Variants in DGKA observed in about 807,000 individuals in gnomAD.
DGKA encodes the protein diacylglycerol kinase alpha.
In DGKA, 35 loss-of-function variants were observed where a neutral mutation model predicts 105.0. That is an observed-to-expected ratio of 0.33 (90% CI 0.25 to 0.44). The LOEUF is 0.44. DGKA is among the 20% of genes least tolerant of loss of function. The probability of loss-of-function intolerance (pLI) is 1.00; values close to 1 mark genes in which losing one functional copy is unlikely to be tolerated. For missense variants in DGKA, 665 were observed against 915.0 expected (o/e 0.73, Z 3.53); for synonymous variants, 296 against 332.0 (o/e 0.89, Z 1.18).
intron 17 of DGKA, among the ~76,000 whole-genome samples, chr12:55,945,055 C>G (rs1886740245): frequency 6.6e-6 from 1 of 152,162 alleles, no homozygotes; most frequent in African/African-American, 2.4e-5. Context: ...CCACCTCTGC[C>G]TCCCAAAGTG....
At chr12:55,928,298 T>G (rs540443089), upstream of DGKA, 1 of 152,916 alleles carries the variant, frequency 6.5e-6, no homozygotes, top group African/African-American at 2.4e-5. Context: ...TAGTTTAATG[T>G]CCAGCAGTAC....
chr12:55,941,365 G>A (rs1885948913), intron 14 of DGKA, 40 bp downstream of exon 14: 3 of 1,605,116 alleles, frequency 1.9e-6, no homozygotes, highest in Non-Finnish European at 2.6e-6. Flanking sequence ...ATGAGAGGCA[G>A]GGCCTGCCTG....
chr12:55,942,808 T>C (rs1196406124), intron 17 of DGKA, among the ~76,000 whole-genome samples: 2 of 151,982 alleles, frequency 1.3e-5, no homozygotes, highest in Non-Finnish European at 2.9e-5. Flanking sequence ...CAGATTGTGT[T>C]TGAGGAATCT....
chr12:55,941,297 C>A lies in DGKA; in HGVS notation c.1147C>A (p.Pro383Thr), dbSNP rs1885928760. 6.2e-7 allele frequency: 1 copy of A among 1,613,616 alleles called. No individual in the cohort carries two copies. The highest frequency in any genetic ancestry group is 8.5e-7 in the Non-Finnish European group (1 of 1,179,708). ...CCACCCACTTCTCGTCTTTGTCAATCCTAAGAGTGGCGGGAAGCAGGGGCA... is the reference window on the plus strand; with the variant it reads ...CCACCCACTTCTCGTCTTTGTCAATACTAAGAGTGGCGGGAAGCAGGGGCA... ...NTHPLLVFVNPKSGGKQGQRV... is the reference protein window; with the variant it reads ...NTHPLLVFVNTKSGGKQGQRV... Residue 383 changes from proline (P) to threonine (T), a missense_variant, in exon 14 of 24, where the codon CCT becomes ACT. This residue lies in a region of DGKA where 504 missense variants were observed against 681.2 expected (regional missense o/e 0.74). Transcript: ENST00000331886.
intron 17 of DGKA, among the ~76,000 whole-genome samples, chr12:55,951,362 T>C (rs755467593): frequency 3.3e-5 from 5 of 152,204 alleles, no homozygotes; most frequent in Non-Finnish European, 7.3e-5. Flanking sequence ...AGCATTCTCC[T>C]GGCTATTCTC....
In DGKA at chr12:55,932,734, CA is replaced by C; in HGVS notation, c.-82+1391del. The C allele has an allele frequency of 4.8e-6, 3 of 620,792 alleles. No homozygotes were observed. Among genetic ancestry groups the C allele is most frequent in the Non-Finnish European group, 5.9e-6 (2 of 340,276 alleles). 38.5% of individuals were successfully genotyped at this position (620,792 alleles called of 1,614,324 possible). On this transcript the variant is annotated intron_variant, in intron 1 of 23. Coordinates refer to ENST00000331886, the MANE Select transcript of DGKA (RefSeq NM_001345.5). The surrounding 1 kb of genome is among the most constrained non-coding windows in gnomAD (Gnocchi z 4.3). ...GCACACACACACACACACACACACA[CA>C]CACACAACCCCCTCAGCCAGGTGTA...
Position 55,952,278 on chromosome 12 carries a change from C to G in DGKA, c.1653-63C>G, listed in dbSNP as rs1888321638. 1.9e-6 allele frequency: 3 copies of G among 1,558,572 alleles called. No homozygotes were observed. Among genetic ancestry groups the G allele is most frequent in the Non-Finnish European group, 8.9e-7 (1 of 1,129,552 alleles). On this transcript the variant is annotated intron_variant, in intron 19 of 23. Coordinates refer to ENST00000331886, the MANE Select transcript of DGKA (RefSeq NM_001345.5). This position sits in a 1 kb window ranked among gnomAD's most constrained non-coding sequence, Gnocchi z 5.1. Reference sequence around the variant, plus strand: ...GTTGATGCCCTTCCCTGTCACGTACCACCCCTGCCAGCACTGTGTAACCTG... The same window carrying G: ...GTTGATGCCCTTCCCTGTCACGTACGACCCCTGCCAGCACTGTGTAACCTG...
rs73336393 is a variant in DGKA at position 55,940,474 on chromosome 12, G to T, written c.918+41G>T. The T allele has an allele frequency of 0.018, 28,219 of 1,608,278 alleles. 4,251 individuals are homozygous for T. The African/African-American group carries it at 0.33, about 19-fold the overall frequency. ...ATCCCTTCTGGGTGCGTCTTACCCC[G>T]CAGAGCTGCCTTCTCCACGGGCCTC... is the stretch of plus-strand genomic sequence containing the variant. On this transcript the variant is annotated intron_variant, in intron 11 of 23. Coordinates refer to ENST00000331886, the MANE Select transcript of DGKA (RefSeq NM_001345.5). The surrounding 1 kb of genome is among the most constrained non-coding windows in gnomAD (Gnocchi z 4.3).
intron 6 of DGKA, 62 bp downstream of exon 6, chr12:55,938,622 GC>G: frequency 6.2e-7 from 1 of 1,611,454 alleles, no homozygotes; most frequent in Non-Finnish European, 8.5e-7. Context: ...GCACCCTCCT[GC>G]CCCAACTCTT....
At chr12:55,941,133 C>A in intron 13 of DGKA, 119 bp from the exon 14 acceptor site, 1 of 1,366,352 alleles carries the variant, frequency 7.3e-7, no homozygotes, top group Non-Finnish European at 1.0e-6. Flanking sequence ...GGGAGGGAAA[C>A]AGGAGGGAGG....
rs1302089726 is a variant in DGKA at position 55,951,494 on chromosome 12, C to T, written c.1427-129C>T. 3 of 938,550 alleles carry T rather than the reference C, an allele frequency of 3.2e-6. No homozygotes were observed. The African/African-American group carries it at 5.0e-5, about 16-fold the overall frequency. The allele number at this position is 938,550 out of a possible 1,614,324, so 58.1% of individuals were successfully genotyped here. A position where few individuals can be genotyped will look rare whatever the true frequency, so the allele number is the denominator to read the frequency against. ...GCTGTGACCATGCACCCTGCCCTGT[C>T]ACTGGCTAGGGCTGGGAGGCTCTGT... On this transcript the variant is annotated intron_variant, in intron 17 of 23. Transcript: ENST00000331886.
rs775174428 is a variant in DGKA at position 55,952,720 on chromosome 12, C to T, written c.1744-14C>T. 1.2e-6 allele frequency: 2 copies of T among 1,613,686 alleles called. No individual in the cohort carries two copies. Among genetic ancestry groups the T allele is most frequent in the Non-Finnish European group, 1.7e-6 (2 of 1,179,874 alleles). On this transcript the variant is annotated splice_polypyrimidine_tract_variant and intron_variant, in intron 20 of 23. Coordinates refer to ENST00000331886, the MANE Select transcript of DGKA (RefSeq NM_001345.5). This position sits in a 1 kb window ranked among gnomAD's most constrained non-coding sequence, Gnocchi z 5.1. ...TGTACCCTCCCTAACTGGGACTGTGCCCCCTCCTCTCAGATCTGTGGGAAA... is the reference window on the plus strand; with the variant it reads ...TGTACCCTCCCTAACTGGGACTGTGTCCCCTCCTCTCAGATCTGTGGGAAA...
chr12:55,952,134 A>C lies in DGKA; in HGVS notation c.1652+35A>C. On this transcript the variant is annotated intron_variant, in intron 19 of 23. Transcript: ENST00000331886. This position sits in a 1 kb window ranked among gnomAD's most constrained non-coding sequence, Gnocchi z 5.1. ...AGGAGGGGGCAGTGTGGGCATACAC[A>C]GTGTCAGGAGCCAGGTTTTGACCAA... 1 of 1,612,984 alleles carries C rather than the reference A, an allele frequency of 6.2e-7. No individual in the cohort carries two copies. Among genetic ancestry groups the C allele is most frequent in the Non-Finnish European group, 8.5e-7 (1 of 1,179,116 alleles).
In DGKA at chr12:55,942,027, G is replaced by A; in HGVS notation, c.1280G>A (p.Ser427Asn). The A allele has an allele frequency of 6.2e-7, 1 of 1,614,190 alleles. No individual in the cohort carries two copies. Among genetic ancestry groups the A allele is most frequent in the Non-Finnish European group, 8.5e-7 (1 of 1,180,032 alleles). ...CGATTATTCAAGGATGTTCCTGATA[G>A]CCGGATTTTGGTGTGTGGTGGAGAC... ...GLRLFKDVPD[S>N]RILVCGGDGT... Residue 427 changes from serine (S) to asparagine (N), a missense_variant, in exon 16 of 24, where the codon AGC becomes AAC. This residue lies in a region of DGKA where 504 missense variants were observed against 681.2 expected (regional missense o/e 0.74). Coordinates refer to ENST00000331886, the MANE Select transcript of DGKA (RefSeq NM_001345.5).
intron 17 of DGKA, among the ~76,000 whole-genome samples, chr12:55,951,039 A>C (rs1244565741): frequency 6.6e-6 from 1 of 152,170 alleles, no homozygotes; most frequent in Non-Finnish European, 1.5e-5. Context: ...TGGTCACATC[A>C]TGCAGGTAGC....
intron 17 of DGKA, among the ~76,000 whole-genome samples, chr12:55,947,589 T>C (rs1887294629): frequency 6.6e-6 from 1 of 152,206 alleles, no homozygotes; most frequent in Non-Finnish European, 1.5e-5. Context: ...CACTGAATAG[T>C]GTTCCGTTGT....
At chr12:55,927,814 C>T, upstream of DGKA, 1 of 1,523,420 alleles carries the variant, frequency 6.6e-7, no homozygotes, top group Non-Finnish European at 8.8e-7. Flanking sequence ...CTGGCTCTGC[C>T]CCGCTGGGCG....
chr12:55,936,793 TCTAC>T (rs760807041), intron 2 of DGKA: 611 of 815,790 alleles, frequency 7.5e-4, no homozygotes, highest in African/African-American at 7.0e-3. Flanking sequence ...GTCTCGGCTC[TCTAC>T]CCACCTTCGC....
chr12:55,940,912 C>T lies in DGKA; in HGVS notation c.1033C>T (p.Arg345Cys), dbSNP rs757864725. 1.3e-5 allele frequency: 21 copies of T among 1,614,106 alleles called. No individual in the cohort carries two copies. Among genetic ancestry groups the T allele is most frequent in the Non-Finnish European group, 1.7e-5 (20 of 1,179,996 alleles). Residue 345 changes from arginine (R) to cysteine (C), a missense_variant, in exon 13 of 24, where the codon CGT becomes TGT. Arg to Cys is a radical substitution (Grantham distance 180). Around this residue, in one of 3 missense-constraint regions of DGKA, gnomAD observed 504 missense variants for 681.2 expected, o/e 0.74. Coordinates refer to ENST00000331886, the MANE Select transcript of DGKA (RefSeq NM_001345.5). The surrounding 1 kb of genome is among the most constrained non-coding windows in gnomAD (Gnocchi z 4.3). ...CCCCTCCCAGGCCTCTGGACCGGAT[C>T]GTAAAAATAGCAAAACAAGCCAGAA... ...YPSVLASGPD[R>C]KNSKTSQKTM... is the part of the protein sequence containing the mutation.
Sources: allele counts gnomAD v4.1 joint callset (sites outside exome capture counted in the v4.1 genomes callset), GRCh38; gene constraint gnomAD v4.1.1; regional missense constraint gnomAD v4.1.1; non-coding constraint Gnocchi (gnomAD v3.1); transcripts MANE v1.5; gene names NCBI Gene and HGNC (gene_info 2026-07-23, HGNC 2026-07-21).